The following BAZ1A variants were observed in gnomAD, a reference collection of about 807,000 sequenced individuals.
BAZ1A encodes bromodomain adjacent to zinc finger domain 1A.
In BAZ1A, 50 loss-of-function variants were observed where a neutral mutation model predicts 185.2. That is an observed-to-expected ratio of 0.27 (90% CI 0.22 to 0.34). BAZ1A has a LOEUF of 0.34. Among genes scored for constraint, BAZ1A ranks in the 10% least tolerant of loss-of-function variants. BAZ1A has a pLI of 1.00. For synonymous variants in BAZ1A, 571 were observed against 615.6 expected (o/e 0.93, Z 1.07); for missense variants, 1,356 against 1,839.9 (o/e 0.74, Z 4.81).
intron 3 of BAZ1A, among the ~76,000 whole-genome samples, chr14:34,837,177 A>T (rs2042344080): frequency 6.6e-6 from 1 of 151,968 alleles, no homozygotes; most frequent in African/African-American, 2.4e-5. Context: ...AAATATCACA[A>T]GATGATAATC....
At chr14:34,842,028 T>C (rs2042422975) in intron 3 of BAZ1A, among the ~76,000 whole-genome samples, 3 of 152,182 alleles carry the variant, frequency 2.0e-5, no homozygotes, top group African/African-American at 7.2e-5. Flanking sequence ...ATATCTAAAA[T>C]TATCCTTTTG....
intron 4 of BAZ1A, among the ~76,000 whole-genome samples, chr14:34,822,238 T>C (rs960228420): frequency 6.6e-6 from 1 of 152,124 alleles, no homozygotes; most frequent in Non-Finnish European, 1.5e-5. Context: ...GAGTTTGCAG[T>C]GAGCTGAGAT....
intron 24 of BAZ1A, 40 bp downstream of exon 24, chr14:34,761,717 C>A: frequency 6.6e-7 from 1 of 1,507,246 alleles, no homozygotes; most frequent in South Asian, 1.2e-5. Flanking sequence ...CCAAATTATT[C>A]AATTTTCCTA....
intron 2 of BAZ1A, among the ~76,000 whole-genome samples, chr14:34,863,886 C>T (rs1033920071): frequency 6.6e-6 from 1 of 150,624 alleles, no homozygotes; most frequent in Non-Finnish European, 1.5e-5. Flanking sequence ...ACTCTGTTGT[C>T]CAGACTGAAG....
chr14:34,868,006 A>G (rs944167640), intron 2 of BAZ1A, among the ~76,000 whole-genome samples: 2 of 152,218 alleles, frequency 1.3e-5, no homozygotes, highest in African/African-American at 4.8e-5. Context: ...GATAACATAC[A>G]AAGTATTTTT....
intron 2 of BAZ1A, among the ~76,000 whole-genome samples, chr14:34,865,532 C>T (rs145419217): frequency 2.0e-5 from 3 of 152,118 alleles, no homozygotes; most frequent in African/African-American, 7.2e-5. Context: ...AAATTGGGGG[C>T]AATTCCATTT....
intron 21 of BAZ1A, among the ~76,000 whole-genome samples, chr14:34,766,905 CAG>C (rs1878881723): frequency 6.6e-6 from 1 of 152,110 alleles, no homozygotes; most frequent in East Asian, 1.9e-4. Context: ...GAATTAGAAA[CAG>C]AATATAAAAT....
chr14:34,757,878 C>A (rs1424812300), intron 25 of BAZ1A, among the ~76,000 whole-genome samples: 1 of 150,086 alleles, frequency 6.7e-6, no homozygotes, highest in Admixed American at 6.6e-5. Flanking sequence ...TCCCAAGTAG[C>A]GGGGACTACA....
intron 4 of BAZ1A, among the ~76,000 whole-genome samples, chr14:34,819,972 T>C (rs1379089716): frequency 6.9e-6 from 1 of 144,376 alleles, no homozygotes; most frequent in Non-Finnish European, 1.5e-5. Context: ...TTCTAATAAG[T>C]ACATAGTCAT....
intron 2 of BAZ1A, among the ~76,000 whole-genome samples, chr14:34,873,549 T>A (rs2138852008): frequency 6.6e-6 from 1 of 152,296 alleles, no homozygotes; most frequent in East Asian, 1.9e-4. Flanking sequence ...GTGGCACATG[T>A]CAGGCAGCCC....
intron 4 of BAZ1A, among the ~76,000 whole-genome samples, chr14:34,821,154 T>C (rs556863430): frequency 6.6e-6 from 1 of 152,324 alleles, no homozygotes; most frequent in South Asian, 2.1e-4. Context: ...GATAAACCTA[T>C]AGATCAAGAT....
chr14:34,795,905 T>G, intron 9 of BAZ1A, 140 bp from the exon 10 acceptor site: 1 of 598,058 alleles, frequency 1.7e-6, no homozygotes, highest in Non-Finnish European at 2.9e-6. Flanking sequence ...AGGTTAGGAC[T>G]TAGCAACTGG....
At chr14:34,792,638 A>G (rs1880927358) in intron 12 of BAZ1A, 137 bp downstream of exon 12, 1 of 1,000,096 alleles carries the variant, frequency 1.0e-6, no homozygotes, top group Admixed American at 2.9e-5. Flanking sequence ...TGTTGTTAGC[A>G]TATGATTCAA....
chr14:34,785,353 T>C (rs926153776), intron 14 of BAZ1A, among the ~76,000 whole-genome samples: 2 of 152,202 alleles, frequency 1.3e-5, no homozygotes, highest in African/African-American at 4.8e-5. Context: ...TATACTAAAT[T>C]AAACTCTTTA....
In BAZ1A at chr14:34,786,363, T is replaced by G. The variant is rs192887434; in HGVS notation, c.1511-142A>C. 7.5e-6 allele frequency: 5 copies of G among 669,896 alleles called. No individual in the cohort carries two copies. The East Asian group carries it at 1.4e-4, about 19-fold the overall frequency. 41.5% of individuals were successfully genotyped at this position (669,896 alleles called of 1,614,324 possible). ...GAACAAACACTAGGTACAAGCAATATTCACATTCTGCTTCATCACCACCTA... is the reference window on the plus strand; with the variant it reads ...GAACAAACACTAGGTACAAGCAATAGTCACATTCTGCTTCATCACCACCTA... On this transcript the variant is annotated intron_variant, in intron 12 of 26. Transcript: ENST00000360310.
chr14:34,774,985 C>G (rs1251278255), intron 18 of BAZ1A, among the ~76,000 whole-genome samples: 2 of 152,038 alleles, frequency 1.3e-5, no homozygotes, highest in South Asian at 4.1e-4. Context: ...GAGACCAAGG[C>G]GGGTGGATTA....
In BAZ1A at chr14:34,874,549, C is replaced by T. The variant is rs1374428829; in HGVS notation, c.56G>A (p.Arg19Gln). ...ACAGTAGAAAACTTCCTCGTCGGGCCGCAGGTCCGCGGGCGGCTTCTGTCT... is the reference window on the plus strand; with the variant it reads ...ACAGTAGAAAACTTCCTCGTCGGGCTGCAGGTCCGCGGGCGGCTTCTGTCT... Reference protein sequence around the residue: ...FVRQKPPADLRPDEEVFYCKV... With the variant: ...FVRQKPPADLQPDEEVFYCKV... The change falls in exon 2 of 27, where the codon CGG becomes CAG. Residue 19 changes from arginine (R) to glutamine (Q), a missense_variant. This residue lies in a region of BAZ1A where 332 missense variants were observed against 395.3 expected (regional missense o/e 0.84). Transcript: ENST00000360310. The surrounding 1 kb of genome is among the most constrained non-coding windows in gnomAD (Gnocchi z 4.7). 3 of 1,611,568 alleles carry T rather than the reference C, an allele frequency of 1.9e-6. No homozygotes were observed. The highest frequency in any genetic ancestry group is 1.3e-5 in the African/African-American group (1 of 74,560).
chr14:34,825,528 T>C (rs2042154577), intron 4 of BAZ1A, among the ~76,000 whole-genome samples: 1 of 144,972 alleles, frequency 6.9e-6, no homozygotes, highest in Non-Finnish European at 1.5e-5. Flanking sequence ...AACAGCTGAG[T>C]AGCGTGAACT....
chr14:34,838,527 CTTTTTTTTT>C (rs35699929), intron 3 of BAZ1A, among the ~76,000 whole-genome samples: 1 of 145,954 alleles, frequency 6.9e-6, no homozygotes, highest in East Asian at 2.0e-4. Flanking sequence ...CTATTTTTTT[CTTTTTTTTT>C]TTGGAGACAG....
Sources: gnomAD v4.1 joint callset for allele counts (sites outside exome capture counted in the v4.1 genomes callset) on GRCh38, gnomAD v4.1.1 for gene constraint, gnomAD v4.1.1 regional missense constraint, Gnocchi (gnomAD v3.1) non-coding constraint, MANE v1.5 for transcripts, NCBI Gene and HGNC (gene_info 2026-07-23, HGNC 2026-07-21) for gene names.